The following IL6R variants were observed in gnomAD, a reference collection of about 807,000 sequenced individuals.
IL6R encodes the protein interleukin-6 receptor subunit alpha.
In IL6R, 38 loss-of-function variants were observed where a neutral mutation model predicts 48.3. That is an observed-to-expected ratio of 0.79 (90% CI 0.61 to 1.03). IL6R has a LOEUF of 1.03. Ranked by LOEUF, IL6R falls within the 50% of genes least tolerant of loss-of-function variation. The pLI, the probability that IL6R is intolerant of heterozygous loss-of-function variation, is 0.00. For synonymous variants in IL6R, 264 were observed against 256.2 expected, an observed-to-expected ratio of 1.03 and a Z score of -0.29; for missense variants, 534 against 618.3, an observed-to-expected ratio of 0.86 and a Z score of 1.45.
At chr1:154,406,114 C>T (rs573689643) in intron 1 of IL6R, among the ~76,000 whole-genome samples, 2 of 152,302 alleles carry the variant, frequency 1.3e-5, no homozygotes, top group Admixed American at 6.5e-5. Flanking sequence ...GATGTACCCG[C>T]CTGGGGAGTC....
intron 1 of IL6R, chr1:154,414,554 T>G (rs1688221447): frequency 2.7e-6 from 2 of 747,926 alleles, no homozygotes; most frequent in Non-Finnish European, 4.8e-6. Context: ...GAGGATCTGG[T>G]GGCCTCGGTA....
At chr1:154,423,282 T>TATATATATATATATATAC (rs1688790245) in intron 1 of IL6R, among the ~76,000 whole-genome samples, 1 of 142,646 alleles carries the variant, frequency 7.0e-6, no homozygotes, top group African/African-American at 2.5e-5. Flanking sequence ...TATATATATA[T>TATATATATATATATATAC]ATGTATTCAT....
At position 154,405,557 on chromosome 1, in the gene IL6R, C is replaced by T; in HGVS notation, c.-73C>T. ...CGCCCACCGCCCCGCCCCGCCCCTGCCACCCCTGCCGCCCGGTTCCCATTA... is the reference window on the plus strand; with the variant it reads ...CGCCCACCGCCCCGCCCCGCCCCTGTCACCCCTGCCGCCCGGTTCCCATTA... On this transcript the variant is annotated 5_prime_UTR_variant, in exon 1 of 10. Coordinates refer to ENST00000368485, the MANE Select transcript of IL6R (RefSeq NM_000565.4). This position sits in a 1 kb window ranked among gnomAD's most constrained non-coding sequence, Gnocchi z 5.2. 1.1e-6 allele frequency: 1 copy of T among 951,158 alleles called. No homozygotes were observed. The highest frequency in any genetic ancestry group is 1.6e-5 in the South Asian group (1 of 63,910). The allele number at this position is 951,158 out of a possible 1,614,324, so 58.9% of individuals were successfully genotyped here.
In IL6R at chr1:154,465,617, A is replaced by C; in HGVS notation, c.*237A>C. ...GCCCAGCTTAAAGGGGCTAGAGTGAACTTGGGCCACTGTGAAGAGAACCAT... is the reference window on the plus strand; with the variant it reads ...GCCCAGCTTAAAGGGGCTAGAGTGACCTTGGGCCACTGTGAAGAGAACCAT... On this transcript the variant is annotated 3_prime_UTR_variant, in exon 10 of 10. Transcript: ENST00000368485. 1.8e-6 allele frequency: 1 copy of C among 549,648 alleles called. No individual in the cohort carries two copies. Among genetic ancestry groups the C allele is most frequent in the Non-Finnish European group, 3.3e-6 (1 of 305,372 alleles). The allele number at this position is 549,648 out of a possible 1,614,324, so 34.0% of individuals were successfully genotyped here.
chr1:154,448,494 G>A (rs1207294090), intron 7 of IL6R, among the ~76,000 whole-genome samples: 1 of 152,208 alleles, frequency 6.6e-6, no homozygotes, highest in Non-Finnish European at 1.5e-5. Flanking sequence ...TCCTTCCCCT[G>A]TGGACTCTTG....
intron 8 of IL6R, among the ~76,000 whole-genome samples, chr1:154,450,308 T>A (rs1690513006): frequency 6.6e-6 from 1 of 152,128 alleles, no homozygotes; most frequent in Non-Finnish European, 1.5e-5. Context: ...GTATTTTTAC[T>A]AGAGACAGGG....
At position 154,449,945 on chromosome 1, in the gene IL6R, T is replaced by G; in HGVS notation, c.1031T>G (p.Leu344Arg). 1 of 1,610,844 alleles carries G rather than the reference T, an allele frequency of 6.2e-7. No individual in the cohort carries two copies. The highest frequency in any genetic ancestry group is 8.5e-7 in the Non-Finnish European group (1 of 1,177,020). The change falls in exon 8 of 10, where the codon CTC (leucine) becomes CGC (arginine). Residue 344 changes from leucine to arginine, a missense_variant. Physicochemically the swap from Leu to Arg is moderately radical, Grantham distance 102 (BLOSUM62 -2). Coordinates refer to ENST00000368485, the MANE Select transcript of IL6R (RefSeq NM_000565.4). ...ACTAATAAAGACGATGATAATATTCTCTTCAGAGATTCTGCAAATGCGACA... is the reference window on the plus strand; with the variant it reads ...ACTAATAAAGACGATGATAATATTCGCTTCAGAGATTCTGCAAATGCGACA... ...LTTNKDDDNI[L>R]FRDSANATSL...
At chr1:154,422,822 C>T (rs1253310775) in intron 1 of IL6R, among the ~76,000 whole-genome samples, 2 of 152,206 alleles carry the variant, frequency 1.3e-5, no homozygotes, top group Non-Finnish European at 2.9e-5. Flanking sequence ...GGCATATCTC[C>T]CAGGACCAGG....
At chr1:154,411,114 A>G (rs1387603552) in intron 1 of IL6R, among the ~76,000 whole-genome samples, 1 of 152,132 alleles carries the variant, frequency 6.6e-6, no homozygotes, top group East Asian at 1.9e-4. Context: ...GCTGGAGTGC[A>G]GTGGTGCAAT....
rs59655012 is a variant in IL6R at position 154,460,989 on chromosome 1, C to T, written c.1161-4145C>T. ...TCGCTGATATTTTTTGCATACAAGA[C>T]GAGGAGGCAGGGTAAGGAAGGTAAA... On this transcript the variant is annotated intron_variant, in intron 9 of 9. Transcript: ENST00000368485. Among the ~76,000 whole-genome samples the T allele has an allele frequency of 2.7e-3, 406 of 152,164 alleles. 12 individuals carry two copies. The East Asian group carries it at 0.061, about 23-fold the overall frequency.
At chr1:154,431,362 A>G (rs1332538262) in intron 3 of IL6R, among the ~76,000 whole-genome samples, 1 of 152,218 alleles carries the variant, frequency 6.6e-6, no homozygotes, top group African/African-American at 2.4e-5. Context: ...GCTGTCAGTC[A>G]TCAGAATATA....
At chr1:154,438,072 G>C (rs1689737323) in intron 6 of IL6R, among the ~76,000 whole-genome samples, 1 of 152,100 alleles carries the variant, frequency 6.6e-6, no homozygotes, top group Admixed American at 6.6e-5. Context: ...GTAATAAACA[G>C]CTTATAACAC....
At chr1:154,463,302 C>T (rs1691369320) in intron 9 of IL6R, among the ~76,000 whole-genome samples, 1 of 152,234 alleles carries the variant, frequency 6.6e-6, no homozygotes, top group Admixed American at 6.5e-5. Context: ...CTCAGCATAG[C>T]TCCAGTCAGC....
intron 6 of IL6R, among the ~76,000 whole-genome samples, chr1:154,447,472 T>C (rs1482361124): frequency 0.082 from 8,095 of 98,990 alleles, 1,706 homozygotes; most frequent in African/African-American, 0.35. Context: ...TATATATATA[T>C]ATATACACAC....
At chr1:154,453,896 G>A (rs1394014251) in intron 8 of IL6R, among the ~76,000 whole-genome samples, 1 of 152,224 alleles carries the variant, frequency 6.6e-6, no homozygotes, top group Non-Finnish European at 1.5e-5. Context: ...GAGGGAACGT[G>A]TGTGGAGAGC....
At chr1:154,423,260 AATATATATATATATAT>A (rs35079361) in intron 1 of IL6R, among the ~76,000 whole-genome samples, 1 of 85,462 alleles carries the variant, frequency 1.2e-5, no homozygotes, top group South Asian at 3.8e-4. Flanking sequence ...TGTTTAATTA[AATATATATATATATAT>A]ATATATATGT....
chr1:154,446,726 A>C (rs1009881135), intron 6 of IL6R, among the ~76,000 whole-genome samples: 7 of 152,358 alleles, frequency 4.6e-5, no homozygotes, highest in Admixed American at 3.9e-4. Context: ...CCATACAGGC[A>C]AATGAATATT....
chr1:154,459,066 C>T (rs1440180672), intron 9 of IL6R, among the ~76,000 whole-genome samples: 3 of 152,316 alleles, frequency 2.0e-5, no homozygotes, highest in South Asian at 2.1e-4. Context: ...AACACACACC[C>T]TGAGAGTCCC....
At chr1:154,447,041 T>C (rs139935284) in intron 6 of IL6R, among the ~76,000 whole-genome samples, 1 of 152,164 alleles carries the variant, frequency 6.6e-6, no homozygotes, top group East Asian at 1.9e-4. Context: ...CTTGGGAAGC[T>C]GAGATGGGAG....
Sources: allele counts gnomAD v4.1 joint callset (sites outside exome capture counted in the v4.1 genomes callset), GRCh38; gene constraint gnomAD v4.1.1; non-coding constraint Gnocchi (gnomAD v3.1); transcripts MANE v1.5; gene names NCBI Gene and HGNC (gene_info 2026-07-23, HGNC 2026-07-21).